The following PGM5 variants were observed in gnomAD, a reference collection of about 807,000 sequenced individuals.
PGM5 encodes phosphoglucomutase-like protein 5.
Under a neutral mutation model 59.2 loss-of-function variants are expected in PGM5, and 23 were observed. The observed-to-expected ratio is 0.39, with a 90% CI of 0.28 to 0.55. The LOEUF (loss-of-function observed/expected upper bound fraction) is 0.55, where lower values mean the gene tolerates loss of function less well. Ranked by LOEUF, PGM5 falls within the 20% of genes least tolerant of loss-of-function variation. The pLI is 0.66. For missense variants in PGM5, 574 were observed against 748.3 expected, an observed-to-expected ratio of 0.77 and a Z score of 2.72; for synonymous variants, 214 against 286.0, an observed-to-expected ratio of 0.75 and a Z score of 2.54.
Position 68,357,269 on chromosome 9 carries a change from G to C in PGM5, c.142G>C (p.Val48Leu). Residue 48 changes from valine (V) to leucine (L), a missense_variant, in exon 1 of 11, where the codon GTG (valine) becomes CTG (leucine). This residue lies in a region of PGM5 where 60 missense variants were observed against 71.0 expected (regional missense o/e 0.85). Coordinates refer to ENST00000396396, the MANE Select transcript of PGM5 (RefSeq NM_021965.4). Reference sequence around the variant, plus strand: ...CTACCTGCCCAACTTTATCCAGAGCGTGCTGTCGTCCATCGACCTGCGCGA... The same window carrying C: ...CTACCTGCCCAACTTTATCCAGAGCCTGCTGTCGTCCATCGACCTGCGCGA... ...RNYLPNFIQS[V>L]LSSIDLRDRQ... is the part of the protein sequence containing the mutation. The C allele has an allele frequency of 6.5e-7, 1 of 1,544,410 alleles. No homozygotes were observed. Among genetic ancestry groups the C allele is most frequent in the African/African-American group, 1.4e-5 (1 of 73,072 alleles).
At chr9:68,460,258 T>G (rs981307228) in intron 6 of PGM5, among the ~76,000 whole-genome samples, 1 of 152,200 alleles carries the variant, frequency 6.6e-6, no homozygotes, top group Admixed American at 6.5e-5. Context: ...AATGATATAG[T>G]GCTTTGGGTT....
intron 9 of PGM5, among the ~76,000 whole-genome samples, chr9:68,494,022 C>A (rs558481201): frequency 6.6e-6 from 1 of 152,272 alleles, no homozygotes; most frequent in South Asian, 2.1e-4. Flanking sequence ...TAAGCTGGAA[C>A]TGAAGTGCTC....
At chr9:68,433,406 C>T (rs568871685) in intron 6 of PGM5, among the ~76,000 whole-genome samples, 1 of 152,322 alleles carries the variant, frequency 6.6e-6, no homozygotes, top group Admixed American at 6.5e-5. Context: ...AAAATCTGCT[C>T]TTTAAAAGAT....
intron 7 of PGM5, among the ~76,000 whole-genome samples, chr9:68,467,771 G>A (rs928306045): frequency 5.3e-5 from 8 of 152,054 alleles, no homozygotes; most frequent in Non-Finnish European, 7.4e-5. Context: ...TGATGCTGCT[G>A]TCCTAATTTT....
intron 6 of PGM5, among the ~76,000 whole-genome samples, chr9:68,418,849 G>T (rs1554682178): frequency 6.6e-6 from 1 of 152,120 alleles, no homozygotes; most frequent in African/African-American, 2.4e-5. Flanking sequence ...CTTGCTTGGG[G>T]TGTCAGAGTC....
chr9:68,420,579 G>A (rs1411825924), intron 6 of PGM5, among the ~76,000 whole-genome samples: 1 of 152,112 alleles, frequency 6.6e-6, no homozygotes, highest in Admixed American at 6.5e-5. Flanking sequence ...TCTTAAAATG[G>A]GTTATATGAA....
At chr9:68,396,712 CA>C (rs1822513422) in intron 6 of PGM5, 1 of 151,966 alleles carries the variant, frequency 6.6e-6, no homozygotes, top group South Asian at 2.1e-4. Context: ...GGTGGATTCT[CA>C]TGATGGACAC....
Position 68,418,245 on chromosome 9 carries a change from C to G in PGM5, c.1043+25772C>G, listed in dbSNP as rs375162602. On this transcript the variant is annotated intron_variant, in intron 6 of 10. Coordinates refer to ENST00000396396, the MANE Select transcript of PGM5 (RefSeq NM_021965.4). ...CTGCCCACAAAAGTGTCCCATTTCA[C>G]TGGGCAAATCAACTAGAATGTTGTT... Among the ~76,000 whole-genome samples the G allele has an allele frequency of 3.9e-5, 6 of 152,292 alleles. No individual in the cohort carries two copies. In the East Asian group the frequency reaches 9.7e-4, roughly 25 times the overall value.
intron 6 of PGM5, among the ~76,000 whole-genome samples, chr9:68,401,004 G>A (rs1822653497): frequency 6.6e-6 from 1 of 152,060 alleles, no homozygotes; most frequent in African/African-American, 2.4e-5. Flanking sequence ...CTACTGGAAA[G>A]GATGCTGAGA....
At position 68,502,130 on chromosome 9, in the gene PGM5, C is replaced by A. The variant is rs1468505801; in HGVS notation, c.1614+2769C>A. On this transcript the variant is annotated intron_variant, in intron 10 of 10. Coordinates refer to ENST00000396396, the MANE Select transcript of PGM5 (RefSeq NM_021965.4). ...TAAGGAGAGGATGGGCCGGGGAGGG[C>A]CCTGATGAGATGGGCAGGTTCTTGC... 1.3e-5 allele frequency among the ~76,000 whole-genome samples: 2 copies of A among 152,180 alleles called. 1 individual carries two copies. The highest frequency in any genetic ancestry group is 2.9e-5 in the Non-Finnish European group (2 of 68,028).
At chr9:68,479,314 C>A in intron 7 of PGM5, 104 bp from the exon 8 acceptor site, 1 of 1,036,210 alleles carries the variant, frequency 9.7e-7, no homozygotes, top group Non-Finnish European at 1.4e-6. Context: ...ATGATCCAAT[C>A]ATTTCTACAT....
chr9:68,439,188 C>T (rs1554683531), intron 6 of PGM5, among the ~76,000 whole-genome samples: 1 of 151,762 alleles, frequency 6.6e-6, no homozygotes, highest in South Asian at 2.1e-4. Context: ...CAAAGTGAGA[C>T]CCTGTCTCTG....
intron 10 of PGM5, among the ~76,000 whole-genome samples, chr9:68,529,222 G>A (rs1825041400): frequency 6.7e-6 from 1 of 149,280 alleles, no homozygotes; most frequent in Non-Finnish European, 1.5e-5. Context: ...GTGAGGATGA[G>A]GGTGTAGCAG....
chr9:68,492,908 C>T (rs1301247833), intron 9 of PGM5, among the ~76,000 whole-genome samples: 1 of 152,202 alleles, frequency 6.6e-6, no homozygotes, highest in Non-Finnish European at 1.5e-5. Flanking sequence ...GCAGTATCTT[C>T]ACCTTGACGC....
chr9:68,374,596 T>C (rs576778935), intron 1 of PGM5, among the ~76,000 whole-genome samples: 88 of 150,864 alleles, frequency 5.8e-4, no homozygotes, highest in African/African-American at 1.9e-3. Context: ...GGCTGGAGGA[T>C]CCACTGCAAG....
chr9:68,521,576 A>T (rs940973779), intron 10 of PGM5, among the ~76,000 whole-genome samples: 1 of 152,212 alleles, frequency 6.6e-6, no homozygotes, highest in Non-Finnish European at 1.5e-5. Flanking sequence ...AGTGTATTCC[A>T]TGTGAAAGAA....
At chr9:68,408,713 A>G (rs1345305680) in intron 6 of PGM5, among the ~76,000 whole-genome samples, 2 of 152,288 alleles carry the variant, frequency 1.3e-5, no homozygotes, top group Non-Finnish European at 2.9e-5. Flanking sequence ...TTTAGGTCGA[A>G]CGTTTAAGTC....
chr9:68,420,513 C>T (rs781933494), intron 6 of PGM5, among the ~76,000 whole-genome samples: 30 of 152,254 alleles, frequency 2.0e-4, no homozygotes, highest in Non-Finnish European at 2.2e-4. Context: ...TGTGGAAATA[C>T]GGAGGCACAT....
In PGM5 at chr9:68,387,905, C is replaced by A. The variant is rs200189165; in HGVS notation, c.697+317C>A. Among the ~76,000 whole-genome samples the A allele has an allele frequency of 4.0e-3, 613 of 151,894 alleles. 4 individuals carry two copies. Among genetic ancestry groups the A allele is most frequent in the East Asian group, 0.023 (118 of 5,134 alleles). On this transcript the variant is annotated intron_variant, in intron 4 of 10. Coordinates refer to ENST00000396396, the MANE Select transcript of PGM5 (RefSeq NM_021965.4). The stretch of plus-strand genomic sequence containing the variant: ...AATAGTTCAAGATTTATTGTGAAAA[C>A]AATCTGTACCCAACTCCTATCTTCC...
Sources: allele counts gnomAD v4.1 joint callset (sites outside exome capture counted in the v4.1 genomes callset), GRCh38; gene constraint gnomAD v4.1.1; regional missense constraint gnomAD v4.1.1; transcripts MANE v1.5; gene names NCBI Gene and HGNC (gene_info 2026-07-23, HGNC 2026-07-21).